LCN15: variants seen among roughly 807,000 people sequenced by gnomAD.
The protein encoded by LCN15 is lipocalin 15, also known as lipocalin-15.
LCN15 carries 26 observed loss-of-function variants against 23.1 expected under a neutral mutation model. The observed-to-expected ratio is 1.13, with a 90% CI of 0.82 to 1.56. The LOEUF (loss-of-function observed/expected upper bound fraction) is 1.56. Among genes scored for constraint, LCN15 ranks in the 40% most tolerant of loss-of-function variants. LCN15 has a pLI of 0.00. For synonymous variants in LCN15, 107 were observed against 98.3 expected, an observed-to-expected ratio of 1.09 and a Z score of -0.52; for missense variants, 241 against 239.5, an observed-to-expected ratio of 1.01 and a Z score of -0.04.
rs947071763 is a variant in LCN15 at position 136,763,299 on chromosome 9, G to A, written c.418+58C>T. 2.0e-3 allele frequency: 1,926 copies of A among 970,960 alleles called. 8 individuals carry two copies. Among genetic ancestry groups the A allele is most frequent in the Non-Finnish European group, 2.6e-3 (1,779 of 674,082 alleles). The allele number at this position is 970,960 out of a possible 1,614,324, so 60.1% of individuals were successfully genotyped here. On this transcript the variant is annotated intron_variant, in intron 4 of 6. Transcript: ENST00000316144. ...GGGGCGGGGGTAGGCAGAACGGGGG[G>A]CGGGGCCTGTGGGAAGTTGGGGAGG...
intron 6 of LCN15, among the ~76,000 whole-genome samples, chr9:136,760,701 C>T (rs1168679991): frequency 6.6e-6 from 1 of 152,240 alleles, no homozygotes; most frequent in African/African-American, 2.4e-5. Flanking sequence ...GCACTGCGCG[C>T]GAAGGCTGTG....
chr9:136,761,190 G>A lies in LCN15; in HGVS notation c.*32+597C>T, dbSNP rs1454161302. On this transcript the variant is annotated intron_variant, in intron 6 of 6. Transcript: ENST00000316144. The surrounding 1 kb of genome is among the most constrained non-coding windows in gnomAD (Gnocchi z 4.2). Reference sequence around the variant, plus strand: ...GGAGTCTCCTTCAGAGCTTCCAGAGGAACCAGCCCTGTGGACATCTTGATT... The same window carrying A: ...GGAGTCTCCTTCAGAGCTTCCAGAGAAACCAGCCCTGTGGACATCTTGATT... 2.0e-5 allele frequency among the ~76,000 whole-genome samples: 3 copies of A among 152,202 alleles called. No homozygotes were observed. The highest frequency in any genetic ancestry group is 4.4e-5 in the Non-Finnish European group (3 of 68,042).
intron 6 of LCN15, among the ~76,000 whole-genome samples, chr9:136,760,081 C>T (rs1314848581): frequency 6.6e-6 from 1 of 152,242 alleles, no homozygotes; most frequent in African/African-American, 2.4e-5. Context: ...TGGCCTCTGC[C>T]TGGTCCTCGG....
Position 136,762,234 on chromosome 9 carries a change from C to T in LCN15, c.474G>A (p.Pro158=), listed in dbSNP as rs148033703. 8.7e-6 allele frequency: 14 copies of T among 1,601,328 alleles called. No homozygotes were observed. Among genetic ancestry groups the T allele is most frequent in the African/African-American group, 4.0e-5 (3 of 74,428 alleles). ...TCATGTCCTTGGGGAGCCCCAGGGT[C>T]GGGTAGAAGTCCTGGAAGGACTTCA... The part of the protein sequence containing the change: ...QALKSFQDFY[P]TLGLPKDMMV... The change falls in exon 5 of 7, where the codon CCG becomes CCA. Residue 158 remains proline, a synonymous_variant. Transcript: ENST00000316144.
chr9:136,763,457 G>A lies in LCN15; in HGVS notation c.318C>T (p.Tyr106=). ...CTGTGTCCACGATGCGCACGTCCAG[G>A]TAGCCCAAGGCTGCGGAGAGGCAGG... is the stretch of plus-strand genomic sequence containing the variant. ...EGHFRVPALG[Y]LDVRIVDTDY... The change falls in exon 4 of 7, where the codon TAC becomes TAT. Residue 106 remains tyrosine, a synonymous_variant. Coordinates refer to ENST00000316144, the MANE Select transcript of LCN15 (RefSeq NM_203347.2). 1 of 1,605,888 alleles carries A rather than the reference G, an allele frequency of 6.2e-7. No individual in the cohort carries two copies. Among genetic ancestry groups the A allele is most frequent in the Non-Finnish European group, 8.5e-7 (1 of 1,176,540 alleles).
rs1847314934 is a variant in LCN15 at position 136,761,377 on chromosome 9, C to T, written c.*32+410G>A. Among the ~76,000 whole-genome samples, 1 of 152,230 alleles carries T rather than the reference C, an allele frequency of 6.6e-6. No homozygotes were observed. The highest frequency in any genetic ancestry group is 1.5e-5 in the Non-Finnish European group (1 of 68,042). ...CTGGGTTCAGGCGATTCTCCTGCCT[C>T]AGCCTCACAAGTAGCTGAGATTACA... On this transcript the variant is annotated intron_variant, in intron 6 of 6. Coordinates refer to ENST00000316144, the MANE Select transcript of LCN15 (RefSeq NM_203347.2). This position sits in a 1 kb window ranked among gnomAD's most constrained non-coding sequence, Gnocchi z 4.2.
intron 1 of LCN15, 122 bp from the exon 2 acceptor site, chr9:136,764,131 G>A (rs1847354263): frequency 2.4e-6 from 3 of 1,264,934 alleles, no homozygotes; most frequent in South Asian, 1.4e-5. Context: ...CATGTCTTGG[G>A]TGTGAGCTGA....
At position 136,764,460 on chromosome 9, in the gene LCN15, A is replaced by G; in HGVS notation, c.29T>C (p.Leu10Pro). 2.5e-6 allele frequency: 4 copies of G among 1,613,194 alleles called. No homozygotes were observed. Among genetic ancestry groups the G allele is most frequent in the Non-Finnish European group, 3.4e-6 (4 of 1,179,784 alleles). Residue 10 changes from leucine to proline, a missense_variant, in exon 1 of 7, where the codon CTG becomes CCG. By Grantham distance (98) the Leu-to-Pro change is moderately conservative (BLOSUM62 -3). Transcript: ENST00000316144. MMSFLLGAI[L>P]TLLWAPTAQA... ...AGCCGTGGGCGCCCAGAGCAGGGTC[A>G]GGATTGCGCCGAGCAGGAATGACAT... is the stretch of plus-strand genomic sequence containing the variant.
chr9:136,762,269 G>T lies in LCN15; in HGVS notation c.439C>A (p.Pro147Thr). ...QLYSRTQDVSPQALKSFQDFY... is the reference protein window; with the variant it reads ...QLYSRTQDVSTQALKSFQDFY... ...TCCTGGAAGGACTTCAGAGCCTGGG[G>T]ACTCACATCCTGGGTCCGGCCTGGG... is the stretch of plus-strand genomic sequence containing the variant. Residue 147 changes from proline to threonine, a missense_variant, in exon 5 of 7, where the codon CCC (proline) becomes ACC (threonine). By Grantham distance (38) the Pro-to-Thr change is conservative (BLOSUM62 -1). Coordinates refer to ENST00000316144, the MANE Select transcript of LCN15 (RefSeq NM_203347.2). 4.4e-6 allele frequency: 7 copies of T among 1,592,680 alleles called. No individual in the cohort carries two copies. The highest frequency in any genetic ancestry group is 6.0e-6 in the Non-Finnish European group (7 of 1,169,238).
intron 4 of LCN15, 70 bp downstream of exon 4, chr9:136,763,287 G>A (rs1588314111): frequency 1.3e-6 from 1 of 789,614 alleles, no homozygotes; most frequent in Non-Finnish European, 1.9e-6. Flanking sequence ...GCGGGGGTAG[G>A]CAGAACGGGG....
chr9:136,763,415 G>C lies in LCN15; in HGVS notation c.360C>G (p.Ala120=), dbSNP rs778213597. Residue 120 remains alanine (A), a synonymous_variant, in exon 4 of 7, where the codon GCC becomes GCG. Transcript: ENST00000316144. ...RIVDTDYSSF[A]VLYIYKELEG... is the part of the protein sequence containing the mutation. ...CCAGCTCCTTGTAGATGTAAAGGAC[G>C]GCGAAGGAGCTGTAGTCTGTGTCCA... 3.2e-5 allele frequency: 52 copies of C among 1,609,694 alleles called. No individual in the cohort carries two copies. The highest frequency in any genetic ancestry group is 4.3e-5 in the Non-Finnish European group (51 of 1,178,562).
Position 136,762,265 on chromosome 9 carries a change from TG to T in LCN15, c.442del (p.Gln148ArgfsTer3), listed in dbSNP as rs989973534. ...LYSRTQDVSP[Q>X]ALKSFQDFYP... ...GAAGTCCTGGAAGGACTTCAGAGCC[TG>T]GGGACTCACATCCTGGGTCCGGCCT... is the stretch of plus-strand genomic sequence containing the variant. On this transcript the variant is annotated frameshift_variant, in exon 5 of 7. Coordinates refer to ENST00000316144, the MANE Select transcript of LCN15 (RefSeq NM_203347.2). LOFTEE classifies it high-confidence loss of function. 1.8e-5 allele frequency: 29 copies of T among 1,593,332 alleles called. 1 individual carries two copies. Among genetic ancestry groups the T allele is most frequent in the Non-Finnish European group, 1.1e-5 (13 of 1,169,686 alleles).
intron 4 of LCN15, 82 bp from the exon 5 acceptor site, chr9:136,762,371 G>T: frequency 1.2e-6 from 1 of 807,110 alleles, no homozygotes; most frequent in Non-Finnish European, 2.1e-6. Flanking sequence ...CCACCAGCCT[G>T]AGGGCTGACA....
intron 6 of LCN15, among the ~76,000 whole-genome samples, chr9:136,760,851 C>G (rs1208457490): frequency 1.3e-5 from 2 of 152,220 alleles, no homozygotes; most frequent in Non-Finnish European, 2.9e-5. Flanking sequence ...CCCAAAACTT[C>G]AGGCCCACCT....
Position 136,763,480 on chromosome 9 carries a change from A to T in LCN15, c.308-13T>A. The T allele has an allele frequency of 6.4e-7, 1 of 1,574,404 alleles. No homozygotes were observed. Among genetic ancestry groups the T allele is most frequent in the Non-Finnish European group, 8.6e-7 (1 of 1,156,328 alleles). On this transcript the variant is annotated splice_polypyrimidine_tract_variant and intron_variant, in intron 3 of 6. Transcript: ENST00000316144. Reference sequence around the variant, plus strand: ...AGGTAGCCCAAGGCTGCGGAGAGGCAGGCGGCCTTTTCAGGCTGGAGAAGT... The same window carrying T: ...AGGTAGCCCAAGGCTGCGGAGAGGCTGGCGGCCTTTTCAGGCTGGAGAAGT...
Position 136,763,781 on chromosome 9 carries a change from G to T in LCN15, c.239C>A (p.Ala80Glu), listed in dbSNP as rs151303875. ...GGCATCCACCTGGTTACAGCCGTCCGCCCTGGGGGTGCACAGCCGGCTCAC... is the reference window on the plus strand; with the variant it reads ...GGCATCCACCTGGTTACAGCCGTCCTCCCTGGGGGTGCACAGCCGGCTCAC... ...GLHVHMEFPG[A>E]DGCNQVDAEY... is the part of the protein sequence containing the mutation. Residue 80 changes from alanine (A) to glutamate (E), a missense_variant and splice_region_variant, in exon 3 of 7, where the codon GCG becomes GAG. Physicochemically the swap from Ala to Glu is moderately radical, Grantham distance 107. Transcript: ENST00000316144. 1 of 1,613,386 alleles carries T rather than the reference G, an allele frequency of 6.2e-7. No individual in the cohort carries two copies. Among genetic ancestry groups the T allele is most frequent in the Non-Finnish European group, 8.5e-7 (1 of 1,179,974 alleles).
chr9:136,763,225 GGA>G (rs1468437605), intron 4 of LCN15, 130 bp downstream of exon 4: 59 of 571,178 alleles, frequency 1.0e-4, no homozygotes, highest in African/African-American at 8.5e-4. Flanking sequence ...GGCGGGGGGC[GGA>G]GGGGTGAGGG....
intron 6 of LCN15, among the ~76,000 whole-genome samples, chr9:136,760,643 AG>A (rs1564335006): frequency 1.3e-5 from 2 of 152,122 alleles, no homozygotes; most frequent in Admixed American, 1.3e-4. Context: ...CGTCTGGTTT[AG>A]GGGGGGATCT....
intron 5 of LCN15, 96 bp downstream of exon 5, chr9:136,762,092 G>T (rs774168362): frequency 3.6e-6 from 3 of 838,602 alleles, no homozygotes; most frequent in Non-Finnish European, 5.4e-6. Flanking sequence ...CCTGCTGCCC[G>T]CACACTGCCT....
Sources: allele counts gnomAD v4.1 joint callset (sites outside exome capture counted in the v4.1 genomes callset), GRCh38; gene constraint gnomAD v4.1.1; non-coding constraint Gnocchi (gnomAD v3.1); transcripts MANE v1.5; gene names NCBI Gene and HGNC (gene_info 2026-07-23, HGNC 2026-07-21).